Variants in RNF13 observed in about 807,000 individuals in gnomAD.
RNF13 encodes the protein E3 ubiquitin-protein ligase RNF13.
In RNF13, 19 loss-of-function variants were observed where a neutral mutation model predicts 37.7. That is an observed-to-expected ratio of 0.50 (90% CI 0.35 to 0.74). The LOEUF is 0.74. Ranked by LOEUF, RNF13 falls within the 30% of genes least tolerant of loss-of-function variation. The pLI is 0.01. For synonymous variants in RNF13, 144 were observed against 157.8 expected (o/e 0.91, Z 0.65); for missense variants, 375 against 453.0 (o/e 0.83, Z 1.56).
chr3:149,942,721 C>A (rs1332915216), intron 8 of RNF13, among the ~76,000 whole-genome samples: 1 of 152,128 alleles, frequency 6.6e-6, no homozygotes, highest in Non-Finnish European at 1.5e-5. Flanking sequence ...TCTGGATAGA[C>A]CTCCTAGTAC....
chr3:149,867,189 G>T (rs1326280241), intron 3 of RNF13, among the ~76,000 whole-genome samples: 1 of 151,916 alleles, frequency 6.6e-6, no homozygotes, highest in East Asian at 1.9e-4. Flanking sequence ...CCCATATTGG[G>T]TGCATAAATA....
intron 3 of RNF13, among the ~76,000 whole-genome samples, chr3:149,860,273 ATAT>A (rs1559912403): frequency 7.0e-4 from 65 of 92,500 alleles, no homozygotes; most frequent in East Asian, 1.2e-3. Context: ...AAAAAAAAAT[ATAT>A]ATATATATAT....
At chr3:149,926,401 G>A (rs571884543) in intron 8 of RNF13, among the ~76,000 whole-genome samples, 3 of 152,092 alleles carry the variant, frequency 2.0e-5, no homozygotes, top group East Asian at 3.9e-4. Flanking sequence ...TAGTAGAGAT[G>A]GGGTTTCACC....
chr3:149,911,231 C>T (rs1029115265), intron 6 of RNF13, among the ~76,000 whole-genome samples: 4 of 152,094 alleles, frequency 2.6e-5, no homozygotes, highest in East Asian at 1.9e-4. Context: ...TCAATACTGA[C>T]GCTAGAGTTT....
chr3:149,921,299 A>C (rs1718099075), intron 8 of RNF13, 72 bp downstream of exon 8: 1 of 485,534 alleles, frequency 2.1e-6, no homozygotes, highest in Non-Finnish European at 3.3e-6. Context: ...TCTTTAAAAA[A>C]ATTTTTATTA....
chr3:149,860,419 G>A, intron 3 of RNF13, among the ~76,000 whole-genome samples: 1 of 151,092 alleles, frequency 6.6e-6, no homozygotes, highest in South Asian at 2.1e-4. Context: ...TATAAAAACA[G>A]GCACATAGAC....
chr3:149,865,735 G>A (rs535648611), intron 3 of RNF13, among the ~76,000 whole-genome samples: 1 of 152,102 alleles, frequency 6.6e-6, no homozygotes, highest in Admixed American at 6.6e-5. Context: ...GTTGCATTTG[G>A]TGTTGTTTTT....
At chr3:149,915,856 G>A (rs1051245733) in intron 7 of RNF13, among the ~76,000 whole-genome samples, 1 of 152,182 alleles carries the variant, frequency 6.6e-6, no homozygotes, top group South Asian at 2.1e-4. Flanking sequence ...GGAAGGGGGA[G>A]TTATTGTTTA....
chr3:149,938,208 C>T (rs563736695), intron 8 of RNF13, among the ~76,000 whole-genome samples: 72 of 151,862 alleles, frequency 4.7e-4, no homozygotes, highest in South Asian at 2.1e-3. Flanking sequence ...GACAGAGTCT[C>T]GCTCTGTTGC....
intron 1 of RNF13, among the ~76,000 whole-genome samples, chr3:149,834,088 G>C (rs1721342341): frequency 6.6e-6 from 1 of 152,124 alleles, no homozygotes; most frequent in South Asian, 2.1e-4. Context: ...ACTGAAAATT[G>C]TAAGACTTTG....
At chr3:149,942,725 C>A (rs1012278040) in intron 8 of RNF13, among the ~76,000 whole-genome samples, 2 of 152,112 alleles carry the variant, frequency 1.3e-5, no homozygotes, top group Admixed American at 1.3e-4. Flanking sequence ...GATAGACCTC[C>A]TAGTACTGTG....
At chr3:149,823,384 A>G (rs1254282595) in intron 1 of RNF13, among the ~76,000 whole-genome samples, 1 of 152,272 alleles carries the variant, frequency 6.6e-6, no homozygotes, top group East Asian at 1.9e-4. Context: ...CCTAACACCA[A>G]CAAAAGACCA....
intron 8 of RNF13, among the ~76,000 whole-genome samples, chr3:149,928,377 A>AT (rs1299220831): frequency 6.6e-6 from 1 of 151,926 alleles, no homozygotes; most frequent in Non-Finnish European, 1.5e-5. Flanking sequence ...CTCCCGGCTT[A>AT]TTTTTTTGTA....
chr3:149,836,757 A>G (rs189122908), intron 1 of RNF13, among the ~76,000 whole-genome samples: 8 of 152,308 alleles, frequency 5.3e-5, no homozygotes, highest in Non-Finnish European at 1.2e-4. Context: ...CCAAGTGTCA[A>G]TTGAGAGATG....
chr3:149,853,530 T>G (rs942984710), intron 3 of RNF13, among the ~76,000 whole-genome samples: 1 of 148,526 alleles, frequency 6.7e-6, no homozygotes, highest in Admixed American at 6.7e-5. Flanking sequence ...TTGCCCAATT[T>G]GAAATGAAAG....
intron 2 of RNF13, among the ~76,000 whole-genome samples, chr3:149,852,209 T>G (rs1023590250): frequency 1.3e-5 from 2 of 152,188 alleles, no homozygotes; most frequent in African/African-American, 2.4e-5. Context: ...TGGAAGATGA[T>G]CTGTCTGGAA....
chr3:149,850,275 C>T (rs1051976690), intron 2 of RNF13, among the ~76,000 whole-genome samples: 6 of 151,956 alleles, frequency 3.9e-5, no homozygotes, highest in Admixed American at 2.6e-4. Context: ...CCACCACATC[C>T]GGCCTACTAC....
chr3:149,826,455 C>A (rs1720515064), intron 1 of RNF13, among the ~76,000 whole-genome samples: 1 of 152,182 alleles, frequency 6.6e-6, no homozygotes, highest in South Asian at 2.1e-4. Context: ...CAAATCATTT[C>A]ATCTCCTCCA....
chr3:149,816,518 CTTT>C (rs199700015), intron 1 of RNF13, among the ~76,000 whole-genome samples: 2 of 139,310 alleles, frequency 1.4e-5, no homozygotes, highest in Admixed American at 7.2e-5. Flanking sequence ...ATGCCTTAGC[CTTT>C]TTTTTTTTTT....
Sources: allele counts gnomAD v4.1 joint callset (sites outside exome capture counted in the v4.1 genomes callset), GRCh38; gene constraint gnomAD v4.1.1; transcripts MANE v1.5; gene names NCBI Gene and HGNC (gene_info 2026-07-23, HGNC 2026-07-21).